Variants in RIMBP2 observed in about 807,000 individuals in gnomAD.
The protein encoded by RIMBP2 is RIMS-binding protein 2.
In RIMBP2, 48 loss-of-function variants were observed where a neutral mutation model predicts 118.6. The ratio of observed to expected loss-of-function variants is 0.40; its 90% CI spans 0.32 to 0.51. The LOEUF (loss-of-function observed/expected upper bound fraction) is 0.51, where lower values mean the gene tolerates loss of function less well. Among genes scored for constraint, RIMBP2 ranks in the 20% least tolerant of loss-of-function variants. The pLI is 0.41. For synonymous variants in RIMBP2, 762 were observed against 742.9 expected (o/e 1.03, Z -0.42); for missense variants, 1,551 against 1,768.3 (o/e 0.88, Z 2.20).
At chr12:130,438,335 A>ACCGGGC in intron 12 of RIMBP2, 30 bp downstream of exon 12, 1 of 865,012 alleles carries the variant, frequency 1.2e-6, no homozygotes, top group Non-Finnish European at 1.9e-6. Context: ...GGCCTAACAA[A>ACCGGGC]CCCTCCCCAC....
At chr12:130,638,839 AG>A (rs2062470264) in intron 1 of RIMBP2, among the ~76,000 whole-genome samples, 3 of 152,146 alleles carry the variant, frequency 2.0e-5, no homozygotes, top group African/African-American at 7.2e-5. Flanking sequence ...AGGGATTTTT[AG>A]GGCAGTGGAA....
intron 2 of RIMBP2, among the ~76,000 whole-genome samples, chr12:130,614,847 T>C (rs1267784235): frequency 1.3e-5 from 2 of 150,052 alleles, no homozygotes; most frequent in Non-Finnish European, 3.0e-5. Context: ...TATATATATA[T>C]AAAATACAGA....
intron 2 of RIMBP2, among the ~76,000 whole-genome samples, chr12:130,570,641 C>A (rs945458299): frequency 6.6e-6 from 1 of 152,140 alleles, no homozygotes; most frequent in African/African-American, 2.4e-5. Context: ...ACTGCCTGCT[C>A]TCTGCACTGT....
chr12:130,620,382 C>T lies in RIMBP2; in HGVS notation c.-217+7940G>A, dbSNP rs1450596583. ...TCCCTGATGCTTCGCTGGCCCTCGC[C>T]ATTGGTCCTTCTAGCAAATCCCCTT... On this transcript the variant is annotated intron_variant, in intron 2 of 22. Coordinates refer to ENST00000690449, the MANE Select transcript of RIMBP2 (RefSeq NM_001393629.1). The surrounding 1 kb of genome is among the most constrained non-coding windows in gnomAD (Gnocchi z 5.3). 1.3e-5 allele frequency among the ~76,000 whole-genome samples: 2 copies of T among 152,222 alleles called. No homozygotes were observed. The highest frequency in any genetic ancestry group is 1.9e-4 in the East Asian group (1 of 5,184).
intron 2 of RIMBP2, among the ~76,000 whole-genome samples, chr12:130,549,502 G>T (rs1326676979): frequency 6.6e-6 from 1 of 152,044 alleles, no homozygotes; most frequent in Non-Finnish European, 1.5e-5. Context: ...TGTCTTTTCT[G>T]CTCCTCCCAC....
rs966851573 is a variant in RIMBP2, at chr12:130,636,083, T to C, written c.-351-7627A>G. ...CACCACCCTCCATTTCCACGCTTTA[T>C]GATGAACTACTCCTTCCAAGATCTC... On this transcript the variant is annotated intron_variant, in intron 1 of 22. Coordinates refer to ENST00000690449, the MANE Select transcript of RIMBP2 (RefSeq NM_001393629.1). Among the ~76,000 whole-genome samples, 11 of 152,182 alleles carry C rather than the reference T, an allele frequency of 7.2e-5. No homozygotes were observed. The South Asian group carries it at 1.5e-3, about 20-fold the overall frequency.
chr12:130,592,104 C>T (rs762627468), intron 2 of RIMBP2, among the ~76,000 whole-genome samples: 18 of 152,298 alleles, frequency 1.2e-4, no homozygotes, highest in African/African-American at 1.9e-4. Context: ...AGGTAAGAAA[C>T]GGACAGCTGT....
chr12:130,442,701 G>A lies in RIMBP2; in HGVS notation c.692-41C>T. On this transcript the variant is annotated intron_variant, in intron 10 of 22. Coordinates refer to ENST00000690449, the MANE Select transcript of RIMBP2 (RefSeq NM_001393629.1). The surrounding 1 kb of genome is among the most constrained non-coding windows in gnomAD (Gnocchi z 6.9). ...ACAGAGTTATCACCCAGCCAACACA[G>A]CAGGGGCCTCGAGGCCCCCAGTGTA... 3.2e-6 allele frequency: 5 copies of A among 1,554,916 alleles called. No individual in the cohort carries two copies. Among genetic ancestry groups the A allele is most frequent in the Non-Finnish European group, 4.4e-6 (5 of 1,138,950 alleles).
rs142221949 is a variant in RIMBP2 at position 130,442,415 on chromosome 12, T to C, written c.937A>G (p.Ile313Val). ...GTGATTTTTCTAGGGTAAGGCACGA[T>C]GTCTTCTCCGATGTCGTCGATGTTC... ...DVNIDDIGED[I>V]VPYPRKITLI... The change falls in exon 11 of 23, where the codon ATC becomes GTC. Residue 313 changes from isoleucine to valine, a missense_variant. Around this residue, in one of 5 missense-constraint regions of RIMBP2, gnomAD observed 265 missense variants for 349.5 expected, o/e 0.76. Coordinates refer to ENST00000690449, the MANE Select transcript of RIMBP2 (RefSeq NM_001393629.1). The surrounding 1 kb of genome is among the most constrained non-coding windows in gnomAD (Gnocchi z 6.9). The C allele has an allele frequency of 2.0e-4, 330 of 1,614,162 alleles. 1 individual carries two copies. The African/African-American group carries it at 3.5e-3, about 17-fold the overall frequency.
chr12:130,645,661 C>G (rs763116842), intron 1 of RIMBP2, among the ~76,000 whole-genome samples: 2 of 152,184 alleles, frequency 1.3e-5, no homozygotes, highest in African/African-American at 2.4e-5. Context: ...GGCGTTAGCC[C>G]AAAGAGCAGA....
At chr12:130,591,385 T>C (rs889288700) in intron 2 of RIMBP2, among the ~76,000 whole-genome samples, 3 of 152,348 alleles carry the variant, frequency 2.0e-5, no homozygotes, top group Admixed American at 6.5e-5. Flanking sequence ...GCACGGCTCC[T>C]AGGCAGGAAG....
intron 1 of RIMBP2, among the ~76,000 whole-genome samples, chr12:130,704,817 C>T (rs188874306): frequency 2.0e-4 from 31 of 152,246 alleles, no homozygotes; most frequent in African/African-American, 6.7e-4. Context: ...CCAGGGTCAC[C>T]GGTTCAGGTC....
chr12:130,553,892 G>A (rs958888853), intron 2 of RIMBP2, among the ~76,000 whole-genome samples: 4 of 152,220 alleles, frequency 2.6e-5, no homozygotes, highest in Non-Finnish European at 4.4e-5. Context: ...AATTCAGTTC[G>A]TTGGTGGTGG....
At chr12:130,586,505 G>T (rs529352188) in intron 2 of RIMBP2, among the ~76,000 whole-genome samples, 25 of 152,070 alleles carry the variant, frequency 1.6e-4, no homozygotes, top group Non-Finnish European at 3.2e-4. Flanking sequence ...ACAGAACAGA[G>T]CCCTCAGAAA....
intron 1 of RIMBP2, among the ~76,000 whole-genome samples, chr12:130,645,826 A>G (rs117263352): frequency 2.0e-5 from 3 of 152,320 alleles, no homozygotes; most frequent in Admixed American, 1.3e-4. Context: ...TTCTTTGAAT[A>G]GAAAGATTTC....
chr12:130,491,899 G>A (rs550929838), intron 4 of RIMBP2, among the ~76,000 whole-genome samples: 19 of 152,282 alleles, frequency 1.2e-4, no homozygotes, highest in Admixed American at 5.2e-4. Context: ...CGACATTCAC[G>A]CCAGCACTTA....
intron 2 of RIMBP2, among the ~76,000 whole-genome samples, chr12:130,538,352 G>T (rs912323866): frequency 6.6e-6 from 1 of 151,602 alleles, no homozygotes; most frequent in South Asian, 2.1e-4. Flanking sequence ...GTCACAATTA[G>T]CCGTAAACGT....
chr12:130,637,856 C>A (rs1264394060), intron 1 of RIMBP2, among the ~76,000 whole-genome samples: 2 of 152,192 alleles, frequency 1.3e-5, no homozygotes, highest in Non-Finnish European at 2.9e-5. Context: ...CTGGGTCCTG[C>A]CGGCTTTACT....
At chr12:130,485,639 T>C (rs2082406787) in intron 4 of RIMBP2, among the ~76,000 whole-genome samples, 1 of 152,228 alleles carries the variant, frequency 6.6e-6, no homozygotes, top group African/African-American at 2.4e-5. Flanking sequence ...CTGTATCATC[T>C]TTATTTAGTT....
Sources: gnomAD v4.1 joint callset for allele counts (sites outside exome capture counted in the v4.1 genomes callset) on GRCh38, gnomAD v4.1.1 for gene constraint, gnomAD v4.1.1 regional missense constraint, Gnocchi (gnomAD v3.1) non-coding constraint, MANE v1.5 for transcripts, NCBI Gene and HGNC (gene_info 2026-07-23, HGNC 2026-07-21) for gene names.